Variants in EEFSEC observed in about 807,000 individuals in gnomAD.
The protein encoded by EEFSEC is eukaryotic elongation factor, selenocysteine-tRNA specific.
In EEFSEC, 43 loss-of-function variants were observed where a neutral mutation model predicts 42.1. The observed-to-expected ratio is 1.02, with a 90% confidence interval of 0.80 to 1.32. EEFSEC has a LOEUF of 1.32. EEFSEC is among the 40% of genes most tolerant of loss of function. The pLI is 0.00. For synonymous variants in EEFSEC, 354 were observed against 339.1 expected, an observed-to-expected ratio of 1.04 and a Z score of -0.48; for missense variants, 745 against 803.6, an observed-to-expected ratio of 0.93 and a Z score of 0.88.
rs552692157 is a variant in EEFSEC at position 128,247,185 on chromosome 3, A to G, written c.524+142A>G. ...AGATCTCAACCTGGCATTTGCTCAC[A>G]TAAGGGCTGCATTAAATGAGGTAAA... On this transcript the variant is annotated intron_variant, in intron 2 of 6. Coordinates refer to ENST00000254730, the MANE Select transcript of EEFSEC (RefSeq NM_021937.5). 18 of 859,460 alleles carry G rather than the reference A, an allele frequency of 2.1e-5. 1 individual carries two copies. The South Asian group carries it at 2.6e-4, about 12-fold the overall frequency. 53.2% of individuals were successfully genotyped at this position (859,460 alleles called of 1,614,324 possible).
intron 5 of EEFSEC, among the ~76,000 whole-genome samples, chr3:128,355,327 C>T (rs150598079): frequency 1.3e-5 from 2 of 152,128 alleles, no homozygotes; most frequent in East Asian, 1.9e-4. Context: ...CCTGCAATGT[C>T]GGGGAAGCTG....
chr3:128,162,319 G>A (rs941985613), intron 1 of EEFSEC, among the ~76,000 whole-genome samples: 2 of 152,204 alleles, frequency 1.3e-5, no homozygotes, highest in African/African-American at 4.8e-5. Context: ...GGCTGACACT[G>A]GAGTTGCTTG....
chr3:128,336,396 G>A (rs145967515), intron 4 of EEFSEC, among the ~76,000 whole-genome samples: 1 of 152,102 alleles, frequency 6.6e-6, no homozygotes, highest in South Asian at 2.1e-4. Flanking sequence ...TAGCCAGTTT[G>A]CATCTTTTAA....
chr3:128,305,275 G>T (rs2066814547), intron 4 of EEFSEC, among the ~76,000 whole-genome samples: 1 of 151,856 alleles, frequency 6.6e-6, no homozygotes, highest in South Asian at 2.1e-4. Context: ...GTTGTATTCT[G>T]GTCTTTCAAT....
At chr3:128,360,793 C>T (rs2067516627) in intron 6 of EEFSEC, among the ~76,000 whole-genome samples, 2 of 152,212 alleles carry the variant, frequency 1.3e-5, no homozygotes, top group Admixed American at 6.5e-5. Flanking sequence ...CACATTCCTT[C>T]GTCTGGTCAA....
At chr3:128,374,272 A>C (rs1416316489) in intron 6 of EEFSEC, among the ~76,000 whole-genome samples, 1 of 152,216 alleles carries the variant, frequency 6.6e-6, no homozygotes, top group Non-Finnish European at 1.5e-5. Flanking sequence ...GCTTCCTCAG[A>C]GGCTGCTGTT....
At chr3:128,225,356 C>T (rs1194056682) in intron 1 of EEFSEC, among the ~76,000 whole-genome samples, 1 of 152,204 alleles carries the variant, frequency 6.6e-6, no homozygotes, top group Non-Finnish European at 1.5e-5. Flanking sequence ...GGTACACAGG[C>T]AGTGCCAAGG....
chr3:128,304,055 G>T (rs1396533448), intron 4 of EEFSEC, among the ~76,000 whole-genome samples: 2 of 146,192 alleles, frequency 1.4e-5, no homozygotes, highest in Non-Finnish European at 3.0e-5. Flanking sequence ...TTTTCTTTTT[G>T]ATTCTTACAG....
chr3:128,233,527 C>A (rs1323018162), intron 1 of EEFSEC, among the ~76,000 whole-genome samples: 1 of 152,246 alleles, frequency 6.6e-6, no homozygotes, highest in African/African-American at 2.4e-5. Flanking sequence ...TATCCATCCA[C>A]ATCTTTACCA....
At chr3:128,256,079 G>A (rs528026709) in intron 2 of EEFSEC, among the ~76,000 whole-genome samples, 5 of 152,206 alleles carry the variant, frequency 3.3e-5, no homozygotes, top group African/African-American at 1.2e-4. Context: ...GATCCATCTG[G>A]GACTGTGCTT....
At position 128,358,237 on chromosome 3, in the gene EEFSEC, G is replaced by A; in HGVS notation, c.1464G>A (p.Val488=). 6.2e-7 allele frequency: 1 copy of A among 1,614,146 alleles called. No homozygotes were observed. Residue 488 remains valine (V), a synonymous_variant, in exon 6 of 7, where the codon GTG becomes GTA. Coordinates refer to ENST00000254730, the MANE Select transcript of EEFSEC (RefSeq NM_021937.5). ...LVERAMDDYS[V]IGRSLFKKET... is the part of the protein sequence containing the mutation. ...GACAGGCGATGGATGACTACAGTGT[G>A]ATCGGCCGCTCCCTGTTCAAAAAGG...
chr3:128,413,684 G>C, the EEFSEC span, among the ~76,000 whole-genome samples: 11 of 152,184 alleles, frequency 7.2e-5, no homozygotes, highest in African/African-American at 2.7e-4. Flanking sequence ...CCACAGGTGA[G>C]GCCTCTAGGT....
At chr3:128,409,657 G>A (rs1047663573), downstream of EEFSEC, among the ~76,000 whole-genome samples, 4 of 152,320 alleles carry the variant, frequency 2.6e-5, no homozygotes, top group Admixed American at 2.0e-4. Flanking sequence ...TGGCCTCCGC[G>A]GCTGCTGCAG....
intron 6 of EEFSEC, among the ~76,000 whole-genome samples, chr3:128,371,848 C>T (rs552924512): frequency 3.3e-5 from 5 of 152,264 alleles, no homozygotes; most frequent in East Asian, 1.9e-4. Flanking sequence ...CTGCAGGGGC[C>T]GGGGCCCGGC....
At chr3:128,384,182 T>TGGGGAGAGGTGTTCC (rs2067810857) in intron 6 of EEFSEC, among the ~76,000 whole-genome samples, 1 of 152,104 alleles carries the variant, frequency 6.6e-6, no homozygotes, top group Non-Finnish European at 1.5e-5. Context: ...AGAGACAGCC[T>TGGGGAGAGGTGTTCC]GGGGAGAGGT....
At chr3:128,319,756 ATG>A (rs1339964035) in intron 4 of EEFSEC, among the ~76,000 whole-genome samples, 4 of 152,222 alleles carry the variant, frequency 2.6e-5, no homozygotes, top group African/African-American at 9.6e-5. Flanking sequence ...TGTTCTGTTT[ATG>A]TGGCTGTCCC....
At chr3:128,416,111 T>C in the EEFSEC span, among the ~76,000 whole-genome samples, 1 of 152,066 alleles carries the variant, frequency 6.6e-6, no homozygotes, top group Non-Finnish European at 1.5e-5. Flanking sequence ...GAGAGACGGT[T>C]GCAGAGTCAC....
intron 6 of EEFSEC, among the ~76,000 whole-genome samples, chr3:128,376,618 A>G (rs1272491423): frequency 6.6e-6 from 1 of 152,146 alleles, no homozygotes; most frequent in Non-Finnish European, 1.5e-5. Context: ...TCAGCCATTG[A>G]AAACTGTTCC....
chr3:128,362,616 G>A (rs749132021), intron 6 of EEFSEC, among the ~76,000 whole-genome samples: 2 of 152,210 alleles, frequency 1.3e-5, no homozygotes, highest in Non-Finnish European at 2.9e-5. Flanking sequence ...TGAGGGGCAC[G>A]CGGAGCTTAA....
Sources: allele counts gnomAD v4.1 joint callset (sites outside exome capture counted in the v4.1 genomes callset), GRCh38; gene constraint gnomAD v4.1.1; transcripts MANE v1.5; gene names NCBI Gene and HGNC (gene_info 2026-07-23, HGNC 2026-07-21).